SPTB: variants seen among roughly 807,000 people sequenced by gnomAD.
SPTB encodes the protein spectrin beta, erythrocytic.
A neutral mutation model predicts 256.2 loss-of-function variants in SPTB; 45 were observed. The ratio of observed to expected loss-of-function variants is 0.18; its 90% CI spans 0.14 to 0.23. The LOEUF (loss-of-function observed/expected upper bound fraction) is 0.23. Among genes scored for constraint, SPTB ranks in the 10% least tolerant of loss-of-function variants. The pLI, the probability that SPTB is intolerant of heterozygous loss-of-function variation, is 1.00. For synonymous variants in SPTB, 1,231 were observed against 1,243.1 expected (o/e 0.99, Z 0.21); for missense variants, 2,715 against 3,040.4 (o/e 0.89, Z 2.52).
At chr14:64,787,823 T>G (rs1235906980) in intron 15 of SPTB, among the ~76,000 whole-genome samples, 1 of 152,256 alleles carries the variant, frequency 6.6e-6, no homozygotes, top group Non-Finnish European at 1.5e-5. Context: ...GGGGTCAGTC[T>G]GCAGTACACG....
chr14:64,805,791 C>T (rs752238194), intron 2 of SPTB, among the ~76,000 whole-genome samples: 3 of 152,192 alleles, frequency 2.0e-5, no homozygotes, highest in Non-Finnish European at 2.9e-5. Flanking sequence ...ATTTCCTGCC[C>T]TCAAGGAGTT....
chr14:64,804,428 T>C (rs959921907), intron 3 of SPTB, among the ~76,000 whole-genome samples: 18 of 152,246 alleles, frequency 1.2e-4, no homozygotes, highest in Admixed American at 4.6e-4. Context: ...GGGTCCTGCC[T>C]GATAGGCCCA....
In SPTB at chr14:64,749,545, T is replaced by G. The variant is rs1594731304; in HGVS notation, c.6820-72A>C. ...CACCTCCCGGGCCAGGCAACAATGG[T>G]GGGGGCTCTTGGGACTGCCCCTTCT... is the stretch of plus-strand genomic sequence containing the variant. On this transcript the variant is annotated intron_variant, in intron 35 of 35. Transcript: ENST00000644917. This position sits in a 1 kb window ranked among gnomAD's most constrained non-coding sequence, Gnocchi z 4.7. 6.2e-7 allele frequency: 1 copy of G among 1,601,044 alleles called. No homozygotes were observed. The highest frequency in any genetic ancestry group is 8.5e-7 in the Non-Finnish European group (1 of 1,177,988).
rs912380834 is a variant in SPTB at position 64,777,727 on chromosome 14, T to C, written c.4563+1430A>G. 8.5e-5 allele frequency among the ~76,000 whole-genome samples: 13 copies of C among 152,178 alleles called. No homozygotes were observed. The highest frequency in any genetic ancestry group is 2.9e-4 in the African/African-American group (12 of 41,422). On this transcript the variant is annotated intron_variant, in intron 22 of 35. Transcript: ENST00000644917. The surrounding 1 kb of genome is among the most constrained non-coding windows in gnomAD (Gnocchi z 4.5). ...TGTTAAAGGAGTTGCATATTGGAGT[T>C]TGACAACCATTGCAACAGAGGGTTT...
At chr14:64,859,011 C>T (rs1040633486) in intron 1 of SPTB, among the ~76,000 whole-genome samples, 1 of 152,204 alleles carries the variant, frequency 6.6e-6, no homozygotes, top group African/African-American at 2.4e-5. Context: ...GTAATCCCAG[C>T]ACTTTGGGAG....
chr14:64,763,559 CCA>C (rs780826089), intron 32 of SPTB, among the ~76,000 whole-genome samples: 5 of 152,240 alleles, frequency 3.3e-5, no homozygotes, highest in Non-Finnish European at 7.3e-5. Context: ...CAGAAATGTT[CCA>C]GACTTTCCGT....
At position 64,772,257 on chromosome 14, in the gene SPTB, G is replaced by A. The variant is rs576902165; in HGVS notation, c.5553+323C>T. 1.1e-4 allele frequency among the ~76,000 whole-genome samples: 16 copies of A among 152,306 alleles called. No individual in the cohort carries two copies. The South Asian group carries it at 3.1e-3, about 30-fold the overall frequency. ...CAGAGGACTGCCATGAGGGTCCAGCGGCTACATACATTGCTCAGAAGAGCA... is the reference window on the plus strand; with the variant it reads ...CAGAGGACTGCCATGAGGGTCCAGCAGCTACATACATTGCTCAGAAGAGCA... On this transcript the variant is annotated intron_variant, in intron 26 of 35. Coordinates refer to ENST00000644917, the MANE Select transcript of SPTB (RefSeq NM_001355436.2). This position sits in a 1 kb window ranked among gnomAD's most constrained non-coding sequence, Gnocchi z 5.4.
chr14:64,777,095 G>A lies in SPTB; in HGVS notation c.4564-1692C>T, dbSNP rs780667967. On this transcript the variant is annotated intron_variant, in intron 22 of 35. Coordinates refer to ENST00000644917, the MANE Select transcript of SPTB (RefSeq NM_001355436.2). This position sits in a 1 kb window ranked among gnomAD's most constrained non-coding sequence, Gnocchi z 4.5. ...ACTTTAGCTAAGGGAGTCAGGGAGG[G>A]CCTCTCTGAGGATACGAAACTTGAC... Among the ~76,000 whole-genome samples, 109 of 152,354 alleles carry A rather than the reference G, an allele frequency of 7.2e-4. No homozygotes were observed. Among genetic ancestry groups the A allele is most frequent in the Non-Finnish European group, 1.2e-3 (82 of 68,040 alleles).
chr14:64,869,877 A>G (rs1052987890), intron 1 of SPTB, among the ~76,000 whole-genome samples: 3 of 146,532 alleles, frequency 2.0e-5, no homozygotes, highest in African/African-American at 7.6e-5. Flanking sequence ...CGATCTGCCC[A>G]CCTCAGCCTC....
intron 30 of SPTB, 80 bp downstream of exon 30, chr14:64,767,583 C>T: frequency 6.4e-7 from 1 of 1,563,564 alleles, no homozygotes; most frequent in South Asian, 1.1e-5. Flanking sequence ...TACCTAACAA[C>T]TGGCCTGGAG....
At chr14:64,776,834 C>G (rs890787930) in intron 22 of SPTB, among the ~76,000 whole-genome samples, 2 of 152,310 alleles carry the variant, frequency 1.3e-5, no homozygotes, top group African/African-American at 2.4e-5. Context: ...TTCATTCATT[C>G]AACAACTATG....
At position 64,759,617 on chromosome 14, in the gene SPTB, G is replaced by A. The variant is rs1375501430; in HGVS notation, c.6346-5824C>T. On this transcript the variant is annotated intron_variant, in intron 32 of 35. Transcript: ENST00000644917. This position sits in a 1 kb window ranked among gnomAD's most constrained non-coding sequence, Gnocchi z 4.8. ...CGATGCTGGCTACTCATGTGGCTGA[G>A]ATGTGACTAAGGGACCGGCAGGTTC... is the stretch of plus-strand genomic sequence containing the variant. 6.6e-6 allele frequency among the ~76,000 whole-genome samples: 1 copy of A among 152,278 alleles called. No homozygotes were observed. The highest frequency in any genetic ancestry group is 1.5e-5 in the Non-Finnish European group (1 of 68,050).
At chr14:64,784,822 A>G (rs971050315) in intron 18 of SPTB, among the ~76,000 whole-genome samples, 4 of 152,232 alleles carry the variant, frequency 2.6e-5, no homozygotes, top group Non-Finnish European at 5.9e-5. Flanking sequence ...GTCAATGAAA[A>G]CAAAGTTGTC....
intron 31 of SPTB, 109 bp from the exon 32 acceptor site, chr14:64,766,910 C>A (rs1234711316): frequency 1.5e-6 from 2 of 1,360,878 alleles, no homozygotes; most frequent in South Asian, 1.2e-5. Context: ...CCAAATAGCT[C>A]CCCCTCCAGT....
Position 64,779,568 on chromosome 14 carries a change from C to A in SPTB, c.4473+157G>T, listed in dbSNP as rs919692501. Among the ~76,000 whole-genome samples, 1 of 152,164 alleles carries A rather than the reference C, an allele frequency of 6.6e-6. No individual in the cohort carries two copies. Among genetic ancestry groups the A allele is most frequent in the Non-Finnish European group, 1.5e-5 (1 of 68,032 alleles). ...TTCCCAACAAAAGCACTGGCTTGAG[C>A]TTTCCATTTAATGTAATCCTCACAA... On this transcript the variant is annotated intron_variant, in intron 21 of 35. Transcript: ENST00000644917. The surrounding 1 kb of genome is among the most constrained non-coding windows in gnomAD (Gnocchi z 4.2).
Position 64,780,000 on chromosome 14 carries a change from A to T in SPTB, c.4267-69T>A, listed in dbSNP as rs771795043. 1.2e-5 allele frequency: 16 copies of T among 1,371,686 alleles called. No homozygotes were observed. The highest frequency in any genetic ancestry group is 1.7e-5 in the Non-Finnish European group (16 of 960,630). 85.0% of individuals were successfully genotyped at this position (1,371,686 alleles called of 1,614,324 possible). A position where few individuals can be genotyped will look rare whatever the true frequency, so the allele number is the denominator to read the frequency against. On this transcript the variant is annotated intron_variant, in intron 20 of 35. Transcript: ENST00000644917. The surrounding 1 kb of genome is among the most constrained non-coding windows in gnomAD (Gnocchi z 4.2). The stretch of plus-strand genomic sequence containing the variant: ...CACAGCCCCTCCATCTTCTTCATTC[A>T]TCTGCATCCCACCCATCCTTTAAGG...
At chr14:64,879,166 G>A (rs1882983371) in intron 1 of SPTB, among the ~76,000 whole-genome samples, 1 of 152,154 alleles carries the variant, frequency 6.6e-6, no homozygotes, top group Non-Finnish European at 1.5e-5. Flanking sequence ...GAAGACTAGG[G>A]GTCCTTGAAG....
rs575814150 is a variant in SPTB at position 64,825,784 on chromosome 14, G to C, written c.-51-2639C>G. ...CCAGAAAGATGAGCCTGAGCAGGCC[G>C]ACCAGCAGGCCCAGCGTTCAAGACA... On this transcript the variant is annotated intron_variant, in intron 1 of 35. Transcript: ENST00000644917. This position sits in a 1 kb window ranked among gnomAD's most constrained non-coding sequence, Gnocchi z 4.8. Among the ~76,000 whole-genome samples, 1 of 152,218 alleles carries C rather than the reference G, an allele frequency of 6.6e-6. No individual in the cohort carries two copies. The highest frequency in any genetic ancestry group is 1.5e-5 in the Non-Finnish European group (1 of 68,044).
chr14:64,813,724 C>T (rs1159247358), intron 2 of SPTB, among the ~76,000 whole-genome samples: 2 of 152,190 alleles, frequency 1.3e-5, no homozygotes, highest in Non-Finnish European at 2.9e-5. Flanking sequence ...TGAGGTTTCA[C>T]CATGTTGGCC....
Sources: gnomAD v4.1 joint callset for allele counts (sites outside exome capture counted in the v4.1 genomes callset) on GRCh38, gnomAD v4.1.1 for gene constraint, Gnocchi (gnomAD v3.1) non-coding constraint, MANE v1.5 for transcripts, NCBI Gene and HGNC (gene_info 2026-07-23, HGNC 2026-07-21) for gene names.